MED12L: variants seen among roughly 807,000 people sequenced by gnomAD.
MED12L encodes the protein mediator of RNA polymerase II transcription subunit 12-like protein.
A neutral mutation model predicts 281.3 loss-of-function variants in MED12L; 60 were observed. The observed-to-expected ratio is 0.21, with a 90% confidence interval of 0.17 to 0.26. The LOEUF (loss-of-function observed/expected upper bound fraction) is 0.26, where lower values mean the gene tolerates loss of function less well. Among genes scored for constraint, MED12L ranks in the 10% least tolerant of loss-of-function variants. MED12L has a pLI of 1.00. For synonymous variants in MED12L, 974 were observed against 987.2 expected (o/e 0.99, Z 0.25); for missense variants, 2,146 against 2,680.9 (o/e 0.80, Z 4.41).
chr3:151,199,551 G>A, intron 16 of MED12L: 1 of 618,912 alleles, frequency 1.6e-6, no homozygotes, highest in East Asian at 2.8e-5. Flanking sequence ...GAATTTTATT[G>A]GTGAACTTAC....
chr3:151,360,804 T>C (rs898733850), intron 21 of MED12L, among the ~76,000 whole-genome samples, 199 bp downstream of exon 21: 1 of 152,164 alleles, frequency 6.6e-6, no homozygotes, highest in Non-Finnish European at 1.5e-5. Flanking sequence ...TATTACACAA[T>C]GTAAATGTGT....
At chr3:151,149,019 T>A (rs542767803) in intron 5 of MED12L, among the ~76,000 whole-genome samples, 1 of 152,316 alleles carries the variant, frequency 6.6e-6, no homozygotes, top group South Asian at 2.1e-4. Context: ...GTGGTGAGTT[T>A]AAACTACAAA....
At chr3:151,201,715 A>T (rs1365842531) in intron 16 of MED12L, among the ~76,000 whole-genome samples, 1 of 152,212 alleles carries the variant, frequency 6.6e-6, no homozygotes, top group East Asian at 1.9e-4. Flanking sequence ...GCGACCATGA[A>T]TTTGGATAGT....
chr3:151,310,129 G>A (rs1323253472), intron 16 of MED12L, among the ~76,000 whole-genome samples: 1 of 152,202 alleles, frequency 6.6e-6, no homozygotes, highest in Non-Finnish European at 1.5e-5. Context: ...AATGCCAGCA[G>A]CAGCCCCACA....
intron 27 of MED12L, among the ~76,000 whole-genome samples, chr3:151,374,152 G>A (rs768586054): frequency 2.0e-5 from 3 of 152,090 alleles, no homozygotes; most frequent in Non-Finnish European, 2.9e-5. Context: ...TTAATTCTAT[G>A]ATACATCTGA....
At chr3:151,292,205 C>G (rs111731244) in intron 16 of MED12L, among the ~76,000 whole-genome samples, 1 of 151,768 alleles carries the variant, frequency 6.6e-6, no homozygotes, top group Non-Finnish European at 1.5e-5. Context: ...AGATTATTGC[C>G]TGGGAGCTGT....
intron 16 of MED12L, among the ~76,000 whole-genome samples, chr3:151,263,864 G>C (rs1739362434): frequency 6.6e-6 from 1 of 152,186 alleles, no homozygotes; most frequent in African/African-American, 2.4e-5. Flanking sequence ...GTAAGAGTGA[G>C]ACAATACAAA....
chr3:151,416,432 G>T lies in MED12L; in HGVS notation c.6408+10G>T, dbSNP rs1344315304. ...GCCCCAGCAGCCCTTGGTAAGGCCT[G>T]TTGTTTTGGAATCAGACATGTGGGT... On this transcript the variant is annotated intron_variant, in intron 43 of 44. Transcript: ENST00000687756. The T allele has an allele frequency of 6.2e-7, 1 of 1,613,034 alleles. No individual in the cohort carries two copies. The highest frequency in any genetic ancestry group is 1.1e-5 in the South Asian group (1 of 90,922).
chr3:151,285,685 T>TA (rs569188993), intron 16 of MED12L, among the ~76,000 whole-genome samples: 2,493 of 146,652 alleles, frequency 0.017, 66 homozygotes, highest in African/African-American at 0.058. Context: ...CCTATTGAAA[T>TA]AAAAAAAAAA....
chr3:151,116,297 T>C (rs1223359429), intron 2 of MED12L, 41 bp from the exon 3 acceptor site: 4 of 1,438,604 alleles, frequency 2.8e-6, no homozygotes, highest in Non-Finnish European at 3.9e-6. Context: ...ATGTTGAAGC[T>C]TTTACATCCT....
rs565203370 is a variant in MED12L at position 151,434,367 on chromosome 3, T to G, written c.*1563T>G. The G allele has an allele frequency of 7.2e-5, 11 of 152,336 alleles. No individual in the cohort carries two copies. The highest frequency in any genetic ancestry group is 2.4e-4 in the African/African-American group (10 of 41,582). 9.4% of individuals were successfully genotyped at this position (152,336 alleles called of 1,614,324 possible). On this transcript the variant is annotated 3_prime_UTR_variant, in exon 45 of 45. Transcript: ENST00000687756. ...TGACCTCAAATACATGTCAGCTTACTTTGCTGTGGCAACATCCATGTGAAC... is the reference window on the plus strand; with the variant it reads ...TGACCTCAAATACATGTCAGCTTACGTTGCTGTGGCAACATCCATGTGAAC...
intron 20 of MED12L, among the ~76,000 whole-genome samples, chr3:151,357,965 T>C (rs1476355365): frequency 6.6e-6 from 1 of 152,196 alleles, no homozygotes; most frequent in Non-Finnish European, 1.5e-5. Context: ...GTAAATGAGC[T>C]CTCAAAAACT....
intron 16 of MED12L, chr3:151,294,976 C>T: frequency 6.2e-7 from 1 of 1,613,946 alleles, no homozygotes; most frequent in Admixed American, 1.7e-5. Context: ...ATGTCAGCGT[C>T]ATTATGAGGT....
intron 16 of MED12L, among the ~76,000 whole-genome samples, chr3:151,286,199 G>A (rs1250192095): frequency 6.6e-6 from 1 of 152,086 alleles, no homozygotes; most frequent in East Asian, 1.9e-4. Flanking sequence ...TTTTCATTTA[G>A]TTGTGGCCTG....
intron 16 of MED12L, chr3:151,326,416 C>T (rs1317215892): frequency 6.6e-6 from 1 of 152,474 alleles, no homozygotes; most frequent in Non-Finnish European, 1.5e-5. Context: ...GAAGTAATTA[C>T]AATGCAATGT....
rs147203967 is a variant in MED12L at position 151,294,693 on chromosome 3, T to C, written c.2251-55366T>C. ...GAGCAGTCATGGATATTGTCCTCTG[T>C]TGGCTGACCATTTGTTAGGATGATG... is the stretch of plus-strand genomic sequence containing the variant. On this transcript the variant is annotated intron_variant, in intron 16 of 44. Coordinates refer to ENST00000687756, the MANE Select transcript of MED12L (RefSeq NM_001393769.1). 1.8e-4 allele frequency: 286 copies of C among 1,614,182 alleles called. 1 individual carries two copies. In the African/African-American group the frequency reaches 3.5e-3, roughly 20 times the overall value.
Position 151,359,073 on chromosome 3 carries a change from C to G in MED12L, c.2826-1401C>G, listed in dbSNP as rs141186203. On this transcript the variant is annotated intron_variant, in intron 20 of 44. Coordinates refer to ENST00000687756, the MANE Select transcript of MED12L (RefSeq NM_001393769.1). ...CAGTAGGTAGTTTTGCAGACCTTTCCTCTGCTCTCTGTCTCCCCACTTCAG... is the reference window on the plus strand; with the variant it reads ...CAGTAGGTAGTTTTGCAGACCTTTCGTCTGCTCTCTGTCTCCCCACTTCAG... 2.1e-3 allele frequency among the ~76,000 whole-genome samples: 318 copies of G among 152,182 alleles called. 8 individuals are homozygous for G. The East Asian group carries it at 0.041, about 20-fold the overall frequency.
chr3:151,208,408 G>T (rs958741784), intron 16 of MED12L, among the ~76,000 whole-genome samples: 2 of 152,148 alleles, frequency 1.3e-5, no homozygotes, highest in African/African-American at 4.8e-5. Flanking sequence ...GAACATTGAG[G>T]CCGGGCGCTC....
At chr3:151,389,902 C>A in intron 37 of MED12L, 77 bp from the exon 38 acceptor site, 2 of 1,452,970 alleles carry the variant, frequency 1.4e-6, no homozygotes, top group Non-Finnish European at 1.9e-6. Context: ...CCTCAGATAG[C>A]TTACTGAAGT....
Sources: allele counts gnomAD v4.1 joint callset (sites outside exome capture counted in the v4.1 genomes callset), GRCh38; gene constraint gnomAD v4.1.1; transcripts MANE v1.5; gene names NCBI Gene and HGNC (gene_info 2026-07-23, HGNC 2026-07-21).